APOB: variants seen among roughly 807,000 people sequenced by gnomAD.
APOB encodes the protein apolipoprotein B.
In APOB, 153 loss-of-function variants were observed where a neutral mutation model predicts 314.1. The ratio of observed to expected loss-of-function variants is 0.49; its 90% CI spans 0.43 to 0.56. APOB has a LOEUF of 0.56. Ranked by LOEUF, APOB falls within the 20% of genes least tolerant of loss-of-function variation. The pLI, the probability that APOB is intolerant of heterozygous loss-of-function variation, is 0.00. For synonymous variants in APOB, 2,087 were observed against 2,036.4 expected, an observed-to-expected ratio of 1.02 and a Z score of -0.67; for missense variants, 5,430 against 5,350.7, an observed-to-expected ratio of 1.01 and a Z score of -0.46.
rs753318763 is a variant in APOB at position 21,011,012 on chromosome 2, A to G, written c.5856T>C (p.His1952=). ...FSHDYKGSTS[H]HLVSRKSISA... is the part of the protein sequence containing the mutation. Reference sequence around the variant, plus strand: ...TGATGCTTTTCCTAGACACGAGATGATGACTTGTGGAGCCTTTGTAATCAT... The same window carrying G: ...TGATGCTTTTCCTAGACACGAGATGGTGACTTGTGGAGCCTTTGTAATCAT... The change falls in exon 26 of 29, where the codon CAT becomes CAC. Residue 1952 remains histidine (H), a synonymous_variant. Transcript: ENST00000233242. The G allele has an allele frequency of 1.2e-5, 19 of 1,614,046 alleles. No individual in the cohort carries two copies. The highest frequency in any genetic ancestry group is 1.5e-5 in the Non-Finnish European group (18 of 1,180,022).
Position 21,005,563 on chromosome 2 carries a change from G to C in APOB, c.11305C>G (p.Gln3769Glu), listed in dbSNP as rs764213074. 1 of 1,614,050 alleles carries C rather than the reference G, an allele frequency of 6.2e-7. No individual in the cohort carries two copies. The highest frequency in any genetic ancestry group is 8.5e-7 in the Non-Finnish European group (1 of 1,179,968). ...GAAGTTCTCAGCTTCTTATAGATTT[G>C]TATTTCTCTGAAGTCAAGTTTGCAC... The part of the protein sequence containing the change: ...PSCKLDFREI[Q>E]IYKKLRTSSF... Residue 3769 changes from glutamine to glutamate, a missense_variant, in exon 26 of 29, where the codon CAA becomes GAA. This residue lies in a region of APOB where 3,281 missense variants were observed against 3,171.0 expected (regional missense o/e 1.03). Coordinates refer to ENST00000233242, the MANE Select transcript of APOB (RefSeq NM_000384.3).
chr2:21,017,069 A>G (rs572997431), intron 20 of APOB, among the ~76,000 whole-genome samples: 18 of 152,148 alleles, frequency 1.2e-4, no homozygotes, highest in African/African-American at 4.3e-4. Context: ...GGAAGGAAAG[A>G]GAGGAAAAGG....
At position 21,006,957 on chromosome 2, in the gene APOB, A is replaced by C; in HGVS notation, c.9911T>G (p.Leu3304Arg). Reference protein sequence around the residue: ...SYTLILPSLELPVLHVPRNLK... With the variant: ...SYTLILPSLERPVLHVPRNLK... Reference sequence around the variant, plus strand: ...ATTTCTAGGGACATGAAGGACTGGCAGCTCTAATGATGGCAGGATTAATGT... The same window carrying C: ...ATTTCTAGGGACATGAAGGACTGGCCGCTCTAATGATGGCAGGATTAATGT... The change falls in exon 26 of 29, where the codon CTG (leucine) becomes CGG (arginine). Residue 3304 changes from leucine to arginine, a missense_variant. Coordinates refer to ENST00000233242, the MANE Select transcript of APOB (RefSeq NM_000384.3). 6.2e-7 allele frequency: 1 copy of C among 1,614,100 alleles called. No individual in the cohort carries two copies. Among genetic ancestry groups the C allele is most frequent in the Non-Finnish European group, 8.5e-7 (1 of 1,179,950 alleles).
Position 21,028,466 on chromosome 2 carries a change from T to G in APOB, c.1690A>C (p.Met564Leu). ...GCCTGTGAAGGACTCCTCATCAACA[T>G]AAGATAGGCAGCCAGTCGCTTATCT... ...PGDKRLAAYL[M>L]LMRSPSQADI... The change falls in exon 13 of 29, where the codon ATG becomes CTG. Residue 564 changes from methionine to leucine, a missense_variant. Transcript: ENST00000233242. 6.2e-7 allele frequency: 1 copy of G among 1,614,066 alleles called. No individual in the cohort carries two copies. Among genetic ancestry groups the G allele is most frequent in the Non-Finnish European group, 8.5e-7 (1 of 1,179,972 alleles).
Position 21,003,069 on chromosome 2 carries a change from C to G in APOB, c.12353G>C (p.Gly4118Ala). 3 of 1,574,482 alleles carry G rather than the reference C, an allele frequency of 1.9e-6. No homozygotes were observed. Among genetic ancestry groups the G allele is most frequent in the Non-Finnish European group, 2.6e-6 (3 of 1,160,664 alleles). Residue 4118 changes from glycine (G) to alanine (A), a missense_variant, in exon 29 of 29, where the codon GGG becomes GCG. Coordinates refer to ENST00000233242, the MANE Select transcript of APOB (RefSeq NM_000384.3). ...LQNNAEWVYQ[G>A]AIRQIDDIDV... ...GATATCATCAATTTGCCTAATGGCC[C>G]CTTGATAAACCCACTCAGCATTGTT...
At chr2:21,038,835 G>A (rs1462854475) in intron 4 of APOB, among the ~76,000 whole-genome samples, 1 of 152,142 alleles carries the variant, frequency 6.6e-6, no homozygotes. Context: ...TATACAAGTG[G>A]CATTGTATTA....
chr2:21,008,622 G>A lies in APOB; in HGVS notation c.8246C>T (p.Thr2749Ile), dbSNP rs755390578. Residue 2749 changes from threonine (T) to isoleucine (I), a missense_variant, in exon 26 of 29, where the codon ACA becomes ATA. By Grantham distance (89) the Thr-to-Ile change is moderately conservative (BLOSUM62 -1). Coordinates refer to ENST00000233242, the MANE Select transcript of APOB (RefSeq NM_000384.3). ...PEFQLPHISH[T>I]IEVPTFGKLY... is the part of the protein sequence containing the mutation. ...CTTGCCAAAAGTAGGTACTTCAATT[G>A]TGTGTGAGATGTGGGGAAGCTGGAA... is the stretch of plus-strand genomic sequence containing the variant. 6 of 1,614,066 alleles carry A rather than the reference G, an allele frequency of 3.7e-6. No individual in the cohort carries two copies. The Admixed American group carries it at 1.0e-4, about 27-fold the overall frequency.
At chr2:21,034,231 G>A (rs962678252) in intron 8 of APOB, among the ~76,000 whole-genome samples, 11 of 152,174 alleles carry the variant, frequency 7.2e-5, no homozygotes, top group African/African-American at 2.7e-4. Flanking sequence ...ATATTCTGCG[G>A]CCTTGACTAC....
rs1297644755 is a variant in APOB, at chr2:21,029,879, T to C, written c.1470+19A>G. 28 of 1,608,706 alleles carry C rather than the reference T, an allele frequency of 1.7e-5. No homozygotes were observed. The highest frequency in any genetic ancestry group is 2.2e-5 in the Non-Finnish European group (26 of 1,175,576). On this transcript the variant is annotated intron_variant, in intron 11 of 28. Coordinates refer to ENST00000233242, the MANE Select transcript of APOB (RefSeq NM_000384.3). Reference sequence around the variant, plus strand: ...AGTGCTTCTGAAATGATGTATGTCATATAAAAGACTGAGATTACCCGCAGA... The same window carrying C: ...AGTGCTTCTGAAATGATGTATGTCACATAAAAGACTGAGATTACCCGCAGA...
rs760504695 is a variant in APOB, at chr2:21,029,650, G to T, written c.1606C>A (p.Pro536Thr). The T allele has an allele frequency of 1.1e-5, 18 of 1,613,932 alleles. No individual in the cohort carries two copies. Among genetic ancestry groups the T allele is most frequent in the Non-Finnish European group, 1.4e-5 (16 of 1,180,018 alleles). Residue 536 changes from proline to threonine, a missense_variant, in exon 12 of 29, where the codon CCT becomes ACT. Physicochemically the swap from Pro to Thr is conservative, Grantham distance 38. This residue lies in a region of APOB where 2,085 missense variants were observed against 2,079.7 expected (regional missense o/e 1.00). Coordinates refer to ENST00000233242, the MANE Select transcript of APOB (RefSeq NM_000384.3). ...CTTGTGGACTTTACCTTGTCTTTAG[G>T]CTCCATTTTCCGCAGAGCCTGGATG... ...AAIQALRKME[P>T]KDKDQEVLLQ... is the part of the protein sequence containing the mutation.
chr2:21,018,840 C>T lies in APOB; in HGVS notation c.3121+152G>A, dbSNP rs1005068660. ...GAATAGGCCTGCCGCTTATTGGGTA[C>T]TCAGTTAACCCAGGTCTTAGAATAG... On this transcript the variant is annotated intron_variant, in intron 20 of 28. Transcript: ENST00000233242. 1.7e-5 allele frequency: 18 copies of T among 1,058,208 alleles called. No homozygotes were observed. In the Admixed American group the frequency reaches 2.9e-4, roughly 17 times the overall value. 65.6% of individuals were successfully genotyped at this position (1,058,208 alleles called of 1,614,324 possible).
chr2:21,010,100 G>A lies in APOB; in HGVS notation c.6768C>T (p.Tyr2256=), dbSNP rs777825578. Residue 2256 remains tyrosine, a synonymous_variant, in exon 26 of 29, where the codon TAC becomes TAT. Coordinates refer to ENST00000233242, the MANE Select transcript of APOB (RefSeq NM_000384.3). ...TTTCTTGTATCTGGATTCTGATTTG[G>A]TACTTAGTATCCACATTTTGAATCC... is the stretch of plus-strand genomic sequence containing the variant. The part of the protein sequence containing the change: ...ASWIQNVDTK[Y]QIRIQIQEKL... The A allele has an allele frequency of 6.2e-6, 10 of 1,612,676 alleles. No individual in the cohort carries two copies. The highest frequency in any genetic ancestry group is 1.7e-4 in the Middle Eastern group (1 of 5,930).
At position 21,015,090 on chromosome 2, in the gene APOB, C is replaced by T; in HGVS notation, c.3679G>A (p.Gly1227Ser). 1.2e-6 allele frequency: 2 copies of T among 1,614,054 alleles called. No individual in the cohort carries two copies. The highest frequency in any genetic ancestry group is 1.7e-4 in the Middle Eastern group (1 of 6,038). ...ATACTTACAACTATTAATTTGGAAC[C>T]CACGTGCCGGAAAGTCATGTCTGTT... ...PQTDMTFRHV[G>S]SKLIVAMSSW... The change falls in exon 23 of 29, where the codon GGT (glycine) becomes AGT (serine). Residue 1227 changes from glycine (G) to serine (S), a missense_variant. Around this residue, in one of 3 missense-constraint regions of APOB, gnomAD observed 2,085 missense variants for 2,079.7 expected, o/e 1.00. Transcript: ENST00000233242.
intron 10 of APOB, among the ~76,000 whole-genome samples, chr2:21,030,865 T>C (rs1172223100): frequency 1.3e-5 from 2 of 152,194 alleles, no homozygotes. Context: ...ATAACATTAC[T>C]AATCATTAGA....
At position 21,010,759 on chromosome 2, in the gene APOB, T is replaced by C. The variant is rs891560437; in HGVS notation, c.6109A>G (p.Ile2037Val). The C allele has an allele frequency of 1.9e-6, 3 of 1,614,038 alleles. No homozygotes were observed. The African/African-American group carries it at 4.0e-5, about 22-fold the overall frequency. The change falls in exon 26 of 29, where the codon ATT (isoleucine) becomes GTT (valine). Residue 2037 changes from isoleucine (I) to valine (V), a missense_variant. Coordinates refer to ENST00000233242, the MANE Select transcript of APOB (RefSeq NM_000384.3). ...PLLLSEPINI[I>V]DALEMRDAVE... ...GCATCTCTCATCTCTAAAGCATCAA[T>C]GATATTGATGGGCTCACTGAGTAAA...
chr2:21,016,688 A>C, intron 20 of APOB, 39 bp from the exon 21 acceptor site: 1 of 1,410,536 alleles, frequency 7.1e-7, no homozygotes. Context: ...ATGTGTGGTA[A>C]GAAGCTATGT....
In APOB at chr2:21,007,275, C is replaced by G. The variant is rs1663169885; in HGVS notation, c.9593G>C (p.Ser3198Thr). 6.2e-7 allele frequency: 1 copy of G among 1,613,544 alleles called. No homozygotes were observed. Among genetic ancestry groups the G allele is most frequent in the Non-Finnish European group, 8.5e-7 (1 of 1,179,708 alleles). Reference protein sequence around the residue: ...NPLAVLCEFISQSIKSFDRHF... With the variant: ...NPLAVLCEFITQSIKSFDRHF... ...CCTGTCAAAGGATTTGATGCTCTGA[C>G]TGATAAACTCACAAAGCACAGCCAA... The change falls in exon 26 of 29, where the codon AGT becomes ACT. Residue 3198 changes from serine (S) to threonine (T), a missense_variant. By Grantham distance (58) the Ser-to-Thr change is moderately conservative (BLOSUM62 1). Coordinates refer to ENST00000233242, the MANE Select transcript of APOB (RefSeq NM_000384.3).
chr2:21,005,597 C>A lies in APOB; in HGVS notation c.11271G>T (p.Gln3757His), dbSNP rs756222950. The A allele has an allele frequency of 2.5e-6, 4 of 1,614,000 alleles. No homozygotes were observed. Among genetic ancestry groups the A allele is most frequent in the Non-Finnish European group, 3.4e-6 (4 of 1,179,970 alleles). ...PTFHVPFTDL[Q>H]VPSCKLDFRE... The stretch of plus-strand genomic sequence containing the variant: ...TGAAGTCAAGTTTGCACGATGGAAC[C>A]TGAAGATCTGTAAATGGGACATGGA... Residue 3757 changes from glutamine (Q) to histidine (H), a missense_variant, in exon 26 of 29, where the codon CAG (glutamine) becomes CAT (histidine). Coordinates refer to ENST00000233242, the MANE Select transcript of APOB (RefSeq NM_000384.3).
chr2:21,012,194 A>G lies in APOB; in HGVS notation c.4674T>C (p.Thr1558=), dbSNP rs919730054. 15 of 1,602,266 alleles carry G rather than the reference A, an allele frequency of 9.4e-6. No homozygotes were observed. The African/African-American group carries it at 1.9e-4, about 20-fold the overall frequency. ...SDLQSGIIKN[T]ASLKYENYEL... ...CGTAGTTCTCATACTTTAGGGAAGCAGTATTTTTAATGATGCCACTTTGCA... is the reference window on the plus strand; with the variant it reads ...CGTAGTTCTCATACTTTAGGGAAGCGGTATTTTTAATGATGCCACTTTGCA... Residue 1558 remains threonine, a synonymous_variant, in exon 26 of 29, where the codon ACT becomes ACC. Coordinates refer to ENST00000233242, the MANE Select transcript of APOB (RefSeq NM_000384.3).
Sources: gnomAD v4.1 joint callset for allele counts (sites outside exome capture counted in the v4.1 genomes callset) on GRCh38, gnomAD v4.1.1 for gene constraint, gnomAD v4.1.1 regional missense constraint, MANE v1.5 for transcripts, NCBI Gene and HGNC (gene_info 2026-07-23, HGNC 2026-07-21) for gene names.